ARL8A: variants seen among roughly 807,000 people sequenced by gnomAD.
ARL8A encodes the protein ARF like GTPase 8A, also known as ADP-ribosylation factor-like protein 8A.
Under a neutral mutation model 31.2 loss-of-function variants are expected in ARL8A, and 10 were observed. That is an observed-to-expected ratio of 0.32 (90% CI 0.20 to 0.54). The LOEUF (loss-of-function observed/expected upper bound fraction) is 0.54. Ranked by LOEUF, ARL8A falls within the 20% of genes least tolerant of loss-of-function variation. The pLI is 0.93. For missense variants in ARL8A, 129 were observed against 242.8 expected (o/e 0.53, Z 3.12); for synonymous variants, 70 against 86.9 (o/e 0.81, Z 1.08).
chr1:202,139,446 G>T (rs1218147058), intron 1 of ARL8A, among the ~76,000 whole-genome samples: 4 of 151,706 alleles, frequency 2.6e-5, no homozygotes, highest in Non-Finnish European at 2.9e-5. Flanking sequence ...GGTGGCGTGT[G>T]CCTGTAATCC....
intron 3 of ARL8A, among the ~76,000 whole-genome samples, chr1:202,137,362 CGCG>C (rs1655039033): frequency 6.6e-6 from 1 of 151,944 alleles, no homozygotes; most frequent in Non-Finnish European, 1.5e-5. Context: ...GAGGGCTGCG[CGCG>C]GTGGCTCATG....
In ARL8A at chr1:202,134,320, G is replaced by T; in HGVS notation, c.*147C>A. ...AATAAAAACAGGAGTTCAAACCTCA[G>T]CAGAACAGGACTCTGGGGTCCCCAG... On this transcript the variant is annotated 3_prime_UTR_variant, in exon 7 of 7. Coordinates refer to ENST00000272217, the MANE Select transcript of ARL8A (RefSeq NM_138795.4). This position sits in a 1 kb window ranked among gnomAD's most constrained non-coding sequence, Gnocchi z 4.2. 1.4e-6 allele frequency: 1 copy of T among 709,378 alleles called. No individual in the cohort carries two copies. The highest frequency in any genetic ancestry group is 2.4e-6 in the Non-Finnish European group (1 of 409,960). The allele number at this position is 709,378 out of a possible 1,614,324, so 43.9% of individuals were successfully genotyped here. A position where few individuals can be genotyped will look rare whatever the true frequency, so the allele number is the denominator to read the frequency against.
In ARL8A at chr1:202,135,356, G is replaced by T. The variant is rs1654976954; in HGVS notation, c.440+103C>A. 1 of 1,503,204 alleles carries T rather than the reference G, an allele frequency of 6.7e-7. No individual in the cohort carries two copies. Among genetic ancestry groups the T allele is most frequent in the African/African-American group, 1.4e-5 (1 of 72,480 alleles). The allele number at this position is 1,503,204 out of a possible 1,614,324, so 93.1% of individuals were successfully genotyped here. ...GGTGCCTGAAAAGGTCGGCTCTGCT[G>T]CCACCGTGTGGCTAATACTAAGAAC... is the stretch of plus-strand genomic sequence containing the variant. On this transcript the variant is annotated intron_variant, in intron 5 of 6. Coordinates refer to ENST00000272217, the MANE Select transcript of ARL8A (RefSeq NM_138795.4). This position sits in a 1 kb window ranked among gnomAD's most constrained non-coding sequence, Gnocchi z 5.3.
intron 1 of ARL8A, among the ~76,000 whole-genome samples, chr1:202,141,447 G>T (rs1655161536): frequency 6.6e-6 from 1 of 152,014 alleles, no homozygotes; most frequent in African/African-American, 2.4e-5. Context: ...TTCGAGACCA[G>T]CCTGGCCAAC....
chr1:202,135,025 G>T lies in ARL8A; in HGVS notation c.511+125C>A. 2.1e-6 allele frequency: 2 copies of T among 938,392 alleles called. No homozygotes were observed. The highest frequency in any genetic ancestry group is 1.7e-6 in the Non-Finnish European group (1 of 604,576). The allele number at this position is 938,392 out of a possible 1,614,324, so 58.1% of individuals were successfully genotyped here. On this transcript the variant is annotated intron_variant, in intron 6 of 6. Transcript: ENST00000272217. This position sits in a 1 kb window ranked among gnomAD's most constrained non-coding sequence, Gnocchi z 5.3. ...TGCCCAGAATCTGGGCCACCTGGCT[G>T]CCTTTTCTACCCAAGAGCCACAGGG...
Position 202,135,827 on chromosome 1 carries a change from A to C in ARL8A, c.279-27T>G. On this transcript the variant is annotated intron_variant, in intron 3 of 6. Coordinates refer to ENST00000272217, the MANE Select transcript of ARL8A (RefSeq NM_138795.4). The surrounding 1 kb of genome is among the most constrained non-coding windows in gnomAD (Gnocchi z 5.3). The stretch of plus-strand genomic sequence containing the variant: ...TGGGGAAAGAGGCAGGGTGGGGACA[A>C]GCATGTTGACACCACAGGCTGAGGT... 1 of 1,586,834 alleles carries C rather than the reference A, an allele frequency of 6.3e-7. No individual in the cohort carries two copies. The highest frequency in any genetic ancestry group is 2.2e-5 in the East Asian group (1 of 44,784).
Position 202,144,713 on chromosome 1 carries a change from C to G in ARL8A, c.-141G>C. On this transcript the variant is annotated 5_prime_UTR_variant, in exon 1 of 7. Coordinates refer to ENST00000272217, the MANE Select transcript of ARL8A (RefSeq NM_138795.4). The surrounding 1 kb of genome is among the most constrained non-coding windows in gnomAD (Gnocchi z 5.2). ...GCGGAGGCTCGAGCGCGGCTGCCGA[C>G]GACTCGCTGCCCCGGAATCGGCTCG... is the stretch of plus-strand genomic sequence containing the variant. The G allele has an allele frequency of 1.1e-6, 1 of 884,788 alleles. No individual in the cohort carries two copies. Among genetic ancestry groups the G allele is most frequent in the Non-Finnish European group, 1.4e-6 (1 of 726,986 alleles). The allele number at this position is 884,788 out of a possible 1,614,324, so 54.8% of individuals were successfully genotyped here. A position where few individuals can be genotyped will look rare whatever the true frequency, so the allele number is the denominator to read the frequency against.
In ARL8A at chr1:202,140,543, G is replaced by T. The variant is rs1655140743; in HGVS notation, c.124-2095C>A. ...CACCCAATGACAAGGTCCAGCAGCG[G>T]TTTCCAACCTGAGGTCCACAGTTGG... On this transcript the variant is annotated intron_variant, in intron 1 of 6. Coordinates refer to ENST00000272217, the MANE Select transcript of ARL8A (RefSeq NM_138795.4). Among the ~76,000 whole-genome samples the T allele has an allele frequency of 2.0e-5, 3 of 152,148 alleles. No homozygotes were observed. In the South Asian group the frequency reaches 6.2e-4, roughly 31 times the overall value.
chr1:202,144,351 T>C lies in ARL8A; in HGVS notation c.123+99A>G. On this transcript the variant is annotated intron_variant, in intron 1 of 6. Transcript: ENST00000272217. This position sits in a 1 kb window ranked among gnomAD's most constrained non-coding sequence, Gnocchi z 5.2. The stretch of plus-strand genomic sequence containing the variant: ...CCCGGCGCCCGGCCGTGCCCGGCTA[T>C]GCCAGGCGGCGACCCCGGCTCAGCA... 1.2e-6 allele frequency: 1 copy of C among 846,806 alleles called. No individual in the cohort carries two copies. 52.5% of individuals were successfully genotyped at this position (846,806 alleles called of 1,614,324 possible). A position where few individuals can be genotyped will look rare whatever the true frequency, so the allele number is the denominator to read the frequency against.
At chr1:202,140,115 G>A (rs929083982) in intron 1 of ARL8A, among the ~76,000 whole-genome samples, 2 of 150,560 alleles carry the variant, frequency 1.3e-5, no homozygotes, top group Non-Finnish European at 3.0e-5. Context: ...TATCCCATCT[G>A]AATAGACTGC....
At chr1:202,137,860 A>G in intron 3 of ARL8A, 105 bp downstream of exon 3, 1 of 1,264,170 alleles carries the variant, frequency 7.9e-7, no homozygotes, top group Non-Finnish European at 1.1e-6. Flanking sequence ...GTCATGAACC[A>G]AGGATTATGT....
chr1:202,142,387 G>A (rs193112293), intron 1 of ARL8A, among the ~76,000 whole-genome samples: 1 of 152,240 alleles, frequency 6.6e-6, no homozygotes, highest in Non-Finnish European at 1.5e-5. Flanking sequence ...GAGCCCAGGG[G>A]TCCCAACTCT....
rs149442175 is a variant in ARL8A at position 202,139,001 on chromosome 1, A to G, written c.124-553T>C. Among the ~76,000 whole-genome samples, 25 of 152,300 alleles carry G rather than the reference A, an allele frequency of 1.6e-4. No homozygotes were observed. In the East Asian group the frequency reaches 4.8e-3, roughly 29 times the overall value. ...TATTGGGAAGGATAACCTACACTCT[A>G]TATCGTCTGCTTATTTATCTATGTG... On this transcript the variant is annotated intron_variant, in intron 1 of 6. Transcript: ENST00000272217.
rs756782284 is a variant in ARL8A at position 202,134,244 on chromosome 1, C to G, written c.*223G>C. On this transcript the variant is annotated 3_prime_UTR_variant, in exon 7 of 7. Transcript: ENST00000272217. The surrounding 1 kb of genome is among the most constrained non-coding windows in gnomAD (Gnocchi z 4.2). ...GGGCTGGGTGATGGGACAAAGGCAG[C>G]GGGGAAGGGTGAGAAGTTAGGGGAC... The G allele has an allele frequency of 1.0e-3, 553 of 550,856 alleles. 3 individuals are homozygous for G. Among genetic ancestry groups the G allele is most frequent in the Non-Finnish European group, 1.5e-3 (467 of 306,096 alleles). 34.1% of individuals were successfully genotyped at this position (550,856 alleles called of 1,614,324 possible). A position where few individuals can be genotyped will look rare whatever the true frequency, so the allele number is the denominator to read the frequency against.
Position 202,135,483 on chromosome 1 carries a change from T to C in ARL8A, c.416A>G (p.Asp139Gly), listed in dbSNP as rs1654980809. Residue 139 changes from aspartate to glycine, a missense_variant, in exon 5 of 7, where the codon GAT (aspartate) becomes GGT (glycine). Asp to Gly is a moderately conservative substitution (Grantham distance 94). Transcript: ENST00000272217. This position sits in a 1 kb window ranked among gnomAD's most constrained non-coding sequence, Gnocchi z 5.3. ...CATTTTCTCAATCAGCTCCTTCTCA[T>C]CCAATGCTCCCGGAAGGTCTCGCTT... ...GNKRDLPGAL[D>G]EKELIEKMNL... 6.2e-7 allele frequency: 1 copy of C among 1,613,964 alleles called. No individual in the cohort carries two copies. Among genetic ancestry groups the C allele is most frequent in the African/African-American group, 1.3e-5 (1 of 74,866 alleles).
In ARL8A at chr1:202,135,853, G is replaced by T. The variant is rs1309016445; in HGVS notation, c.279-53C>A. 5 of 1,505,798 alleles carry T rather than the reference G, an allele frequency of 3.3e-6. No homozygotes were observed. The highest frequency in any genetic ancestry group is 1.1e-5 in the South Asian group (1 of 88,528). 93.3% of individuals were successfully genotyped at this position (1,505,798 alleles called of 1,614,324 possible). ...GCATGTTGACACCACAGGCTGAGGTGGTGCAAGGAAGAGAAGGAGCTGCTG... is the reference window on the plus strand; with the variant it reads ...GCATGTTGACACCACAGGCTGAGGTTGTGCAAGGAAGAGAAGGAGCTGCTG... On this transcript the variant is annotated intron_variant, in intron 3 of 6. Coordinates refer to ENST00000272217, the MANE Select transcript of ARL8A (RefSeq NM_138795.4). The surrounding 1 kb of genome is among the most constrained non-coding windows in gnomAD (Gnocchi z 5.3).
rs766352244 is a variant in ARL8A at position 202,137,916 on chromosome 1, AG to A, written c.278+48del. The A allele has an allele frequency of 1.9e-6, 3 of 1,604,418 alleles. No individual in the cohort carries two copies. The Admixed American group carries it at 5.0e-5, about 27-fold the overall frequency. On this transcript the variant is annotated intron_variant, in intron 3 of 6. Transcript: ENST00000272217. The stretch of plus-strand genomic sequence containing the variant: ...TGAGGTCCTCGAAGGTAGCAGGGCT[AG>A]GGGGGCCGGGTAAGGCTGGAGTCTG...
Position 202,144,155 on chromosome 1 carries a change from G to GC in ARL8A, c.123+294dup, listed in dbSNP as rs1357467914. On this transcript the variant is annotated intron_variant, in intron 1 of 6. Transcript: ENST00000272217. This position sits in a 1 kb window ranked among gnomAD's most constrained non-coding sequence, Gnocchi z 5.2. ...GCAGCGGGTCCCTCCTGCTTCGAGA[G>GC]CCCCTCGGTGCCGCCTGCCCCGTGG... Among the ~76,000 whole-genome samples, 1 of 152,148 alleles carries GC rather than the reference G, an allele frequency of 6.6e-6. No individual in the cohort carries two copies. Among genetic ancestry groups the GC allele is most frequent in the African/African-American group, 2.4e-5 (1 of 41,458 alleles).
At position 202,138,533 on chromosome 1, in the gene ARL8A, G is replaced by C. The variant is rs1655080690; in HGVS notation, c.124-85C>G. 1 of 1,319,550 alleles carries C rather than the reference G, an allele frequency of 7.6e-7. No homozygotes were observed. Among genetic ancestry groups the C allele is most frequent in the Admixed American group, 1.8e-5 (1 of 56,644 alleles). The allele number at this position is 1,319,550 out of a possible 1,614,324, so 81.7% of individuals were successfully genotyped here. ...CAAGAGGCTGCGAGAACCATGCAGA[G>C]GCCAGGCCAGAGCTTCCTAGACTTC... On this transcript the variant is annotated intron_variant, in intron 1 of 6. Coordinates refer to ENST00000272217, the MANE Select transcript of ARL8A (RefSeq NM_138795.4). The surrounding 1 kb of genome is among the most constrained non-coding windows in gnomAD (Gnocchi z 4.4).
Sources: gnomAD v4.1 joint callset for allele counts (sites outside exome capture counted in the v4.1 genomes callset) on GRCh38, gnomAD v4.1.1 for gene constraint, Gnocchi (gnomAD v3.1) non-coding constraint, MANE v1.5 for transcripts, NCBI Gene and HGNC (gene_info 2026-07-23, HGNC 2026-07-21) for gene names.